The following RGS12 variants were observed in gnomAD, a reference collection of about 807,000 sequenced individuals.
The protein encoded by RGS12 is regulator of G-protein signaling 12.
RGS12 carries 66 observed loss-of-function variants against 120.1 expected under a neutral mutation model. The observed-to-expected ratio is 0.55, with a 90% confidence interval of 0.45 to 0.67. The LOEUF is 0.67. RGS12 is among the 30% of genes least tolerant of loss of function. RGS12 has a pLI of 0.00. For missense variants in RGS12, 1,859 were observed against 1,957.7 expected (o/e 0.95, Z 0.95); for synonymous variants, 827 against 804.7 (o/e 1.03, Z -0.47).
At chr4:3,290,660 G>T (rs980816765), upstream of RGS12, among the ~76,000 whole-genome samples, 1 of 152,362 alleles carries the variant, frequency 6.6e-6, no homozygotes, top group Admixed American at 6.5e-5. Context: ...GGGTAGGGCC[G>T]CTGAGCCGCT....
At chr4:3,333,118 G>A (rs1408056247) in intron 2 of RGS12, among the ~76,000 whole-genome samples, 2 of 149,818 alleles carry the variant, frequency 1.3e-5, no homozygotes, top group Non-Finnish European at 3.0e-5. Flanking sequence ...GCGCGATCTC[G>A]GCTCACTGCA....
At chr4:3,386,037 A>G (rs1718812099) in intron 3 of RGS12, 1 of 258,276 alleles carries the variant, frequency 3.9e-6, no homozygotes, top group Admixed American at 5.2e-5. Context: ...GGGTGGCGTC[A>G]CGGCACGTGG....
Position 3,412,646 on chromosome 4 carries a change from T to G in RGS12, c.2021-1426T>G, listed in dbSNP as rs191394729. Among the ~76,000 whole-genome samples the G allele has an allele frequency of 6.6e-5, 10 of 152,374 alleles. No individual in the cohort carries two copies. In the East Asian group the frequency reaches 1.9e-3, roughly 29 times the overall value. Reference sequence around the variant, plus strand: ...GAGGGGAACATAGCGTATTTTATTATGCTGCTGAGAACATTCTGTGAGGCT... The same window carrying G: ...GAGGGGAACATAGCGTATTTTATTAGGCTGCTGAGAACATTCTGTGAGGCT... On this transcript the variant is annotated intron_variant, in intron 4 of 17. Coordinates refer to ENST00000336727, the MANE Select transcript of RGS12 (RefSeq NM_001394154.1).
At position 3,366,138 on chromosome 4, in the gene RGS12, A is replaced by G. The variant is rs568056534; in HGVS notation, c.1999-20278A>G. On this transcript the variant is annotated intron_variant, in intron 3 of 17. Coordinates refer to ENST00000336727, the MANE Select transcript of RGS12 (RefSeq NM_001394154.1). The surrounding 1 kb of genome is among the most constrained non-coding windows in gnomAD (Gnocchi z 4.0). ...GCACCATGACCCACCCGAGAAGGGC[A>G]ATGGGGAAGGAAGGCAGGCAGGCAG... is the stretch of plus-strand genomic sequence containing the variant. Among the ~76,000 whole-genome samples, 1 of 151,972 alleles carries G rather than the reference A, an allele frequency of 6.6e-6. No individual in the cohort carries two copies. The highest frequency in any genetic ancestry group is 1.5e-5 in the Non-Finnish European group (1 of 67,950).
chr4:3,346,897 A>G (rs1396240051), intron 3 of RGS12, among the ~76,000 whole-genome samples: 2 of 152,182 alleles, frequency 1.3e-5, no homozygotes, highest in Non-Finnish European at 2.9e-5. Flanking sequence ...GAAGCAGGGT[A>G]TTCTATGCAC....
In RGS12 at chr4:3,317,371, C is replaced by T. The variant is rs557512719; in HGVS notation, c.1201C>T (p.Arg401Trp). The T allele has an allele frequency of 6.8e-6, 11 of 1,614,074 alleles. No homozygotes were observed. The highest frequency in any genetic ancestry group is 5.5e-5 in the South Asian group (5 of 91,064). The change falls in exon 2 of 18, where the codon CGG (arginine) becomes TGG (tryptophan). Residue 401 changes from arginine (R) to tryptophan (W), a missense_variant. Around this residue, in one of 3 missense-constraint regions of RGS12, gnomAD observed 967 missense variants for 994.2 expected, o/e 0.97. Coordinates refer to ENST00000336727, the MANE Select transcript of RGS12 (RefSeq NM_001394154.1). ...CATGGGTGAGCTGATTGAGGGCATGCGGGCCCGCGCCTTTCTGGACGGGGA... is the reference window on the plus strand; with the variant it reads ...CATGGGTGAGCTGATTGAGGGCATGTGGGCCCGCGCCTTTCTGGACGGGGA... ...RDMGELIEGM[R>W]ARAFLDGDAD...
Position 3,425,499 on chromosome 4 carries a change from T to C in RGS12, c.3270T>C (p.Pro1090=). 2 of 1,611,852 alleles carry C rather than the reference T, an allele frequency of 1.2e-6. No homozygotes were observed. Among genetic ancestry groups the C allele is most frequent in the Non-Finnish European group, 1.7e-6 (2 of 1,179,640 alleles). ...AGGAGCCCCTGGACCTTGGCGCCCC[T>C]ATATCGAGTCTGGACGGACAGCGGG... The part of the protein sequence containing the change: ...GEKEPLDLGA[P]ISSLDGQRVV... Residue 1090 remains proline (P), a synonymous_variant, in exon 14 of 18, where the codon CCT becomes CCC. Coordinates refer to ENST00000336727, the MANE Select transcript of RGS12 (RefSeq NM_001394154.1).
intron 2 of RGS12, among the ~76,000 whole-genome samples, chr4:3,341,961 G>C (rs539397975): frequency 6.6e-6 from 1 of 151,472 alleles, no homozygotes; most frequent in African/African-American, 2.4e-5. Flanking sequence ...GGGAGACCCA[G>C]GCGGGAATGG....
intron 3 of RGS12, among the ~76,000 whole-genome samples, chr4:3,349,585 A>C (rs1397669757): frequency 1.3e-5 from 2 of 152,186 alleles, no homozygotes; most frequent in Non-Finnish European, 1.5e-5. Flanking sequence ...TTCCTCTCAT[A>C]ATTTTTCTCA....
chr4:3,286,663 T>G, the RGS12 span, among the ~76,000 whole-genome samples: 1 of 151,992 alleles, frequency 6.6e-6, no homozygotes, highest in African/African-American at 2.4e-5. Flanking sequence ...GGAATGAGGG[T>G]CAGGGGCAGG....
chr4:3,420,412 C>T (rs1195948269), intron 9 of RGS12: 10 of 601,472 alleles, frequency 1.7e-5, no homozygotes, highest in Non-Finnish European at 3.0e-5. Flanking sequence ...AGAGTAGCAT[C>T]TCTGCTGCAT....
chr4:3,428,765 C>A, intron 16 of RGS12, 54 bp downstream of exon 16: 2 of 1,439,994 alleles, frequency 1.4e-6, no homozygotes, highest in Non-Finnish European at 1.9e-6. Flanking sequence ...AGTTAGTTTC[C>A]AGTATAGTCA....
chr4:3,388,941 G>A (rs1375616434), intron 4 of RGS12, among the ~76,000 whole-genome samples: 5 of 152,348 alleles, frequency 3.3e-5, no homozygotes, highest in South Asian at 4.1e-4. Context: ...GGCTTGGGGA[G>A]CAATCTGCTC....
At chr4:3,373,153 T>A (rs961418816) in intron 3 of RGS12, among the ~76,000 whole-genome samples, 6 of 152,062 alleles carry the variant, frequency 3.9e-5, no homozygotes, top group African/African-American at 1.4e-4. Context: ...CGGAGTGTGG[T>A]CACGAGGGGG....
intron 2 of RGS12, among the ~76,000 whole-genome samples, chr4:3,340,171 A>G (rs1307011042): frequency 6.6e-6 from 1 of 152,216 alleles, no homozygotes; most frequent in Non-Finnish European, 1.5e-5. Flanking sequence ...TCTCATGAGC[A>G]CTGCCCAGCG....
At chr4:3,383,808 C>T (rs1191092638) in intron 3 of RGS12, among the ~76,000 whole-genome samples, 1 of 152,216 alleles carries the variant, frequency 6.6e-6, no homozygotes, top group Admixed American at 6.5e-5. Context: ...ATGGCCCATG[C>T]CCATATTCTT....
chr4:3,296,489 T>G (rs974480465), intron 1 of RGS12, among the ~76,000 whole-genome samples: 1 of 152,164 alleles, frequency 6.6e-6, no homozygotes, highest in African/African-American at 2.4e-5. Context: ...CGCGCCTAGC[T>G]TCTGTCTTCT....
Position 3,439,472 on chromosome 4 carries a change from A to G in RGS12, c.4132A>G (p.Ser1378Gly). ...PSRPGSGTHG[S>G]RDLPVNRIID... ...TGTGACAGGAAGTGGGACCCATGGC[A>G]GCCGAGACCTCCCAGTCAACAGAAT... The change falls in exon 18 of 18, where the codon AGC (serine) becomes GGC (glycine). Residue 1378 changes from serine (S) to glycine (G), a missense_variant. This residue lies in a region of RGS12 where 517 missense variants were observed against 488.5 expected (regional missense o/e 1.06). Coordinates refer to ENST00000336727, the MANE Select transcript of RGS12 (RefSeq NM_001394154.1). The G allele has an allele frequency of 6.2e-7, 1 of 1,612,788 alleles. No individual in the cohort carries two copies. The highest frequency in any genetic ancestry group is 8.5e-7 in the Non-Finnish European group (1 of 1,179,888).
Position 3,430,394 on chromosome 4 carries a change from TTTC to T in RGS12, c.3566-9_3566-7del, listed in dbSNP as rs760115011. 6.2e-7 allele frequency: 1 copy of T among 1,602,236 alleles called. No homozygotes were observed. The highest frequency in any genetic ancestry group is 8.5e-7 in the Non-Finnish European group (1 of 1,172,802). ...TCTCTAAAACACGGTCACTCTGGGT[TTTC>T]TTCCAATAGAGTTTTTTGAGCTTAT... On this transcript the variant is annotated splice_polypyrimidine_tract_variant and intron_variant, in intron 16 of 17. Coordinates refer to ENST00000336727, the MANE Select transcript of RGS12 (RefSeq NM_001394154.1).
Sources: gnomAD v4.1 joint callset for allele counts (sites outside exome capture counted in the v4.1 genomes callset) on GRCh38, gnomAD v4.1.1 for gene constraint, gnomAD v4.1.1 regional missense constraint, Gnocchi (gnomAD v3.1) non-coding constraint, MANE v1.5 for transcripts, NCBI Gene and HGNC (gene_info 2026-07-23, HGNC 2026-07-21) for gene names.